Variants in KCNN2 observed in about 807,000 individuals in gnomAD.
KCNN2 encodes small conductance calcium-activated potassium channel protein 2.
Under a neutral mutation model 55.5 loss-of-function variants are expected in KCNN2, and 24 were observed. That is an observed-to-expected ratio of 0.43 (90% CI 0.31 to 0.61). KCNN2 has a LOEUF of 0.61. Ranked by LOEUF, KCNN2 falls within the 20% of genes least tolerant of loss-of-function variation. The pLI, the probability that KCNN2 is intolerant of heterozygous loss-of-function variation, is 0.08. For missense variants in KCNN2, 754 were observed against 853.6 expected, an observed-to-expected ratio of 0.88 and a Z score of 1.45; for synonymous variants, 431 against 336.1, an observed-to-expected ratio of 1.28 and a Z score of -3.09.
intron 1 of KCNN2, among the ~76,000 whole-genome samples, chr5:114,149,324 G>A (rs72797653): frequency 0.3 from 46,103 of 151,942 alleles, 7,613 homozygotes; most frequent in Non-Finnish European, 0.38. Flanking sequence ...ACTGAGCCGA[G>A]GAACAAAGAA....
intron 1 of KCNN2, among the ~76,000 whole-genome samples, chr5:114,171,611 G>A (rs1364940987): frequency 6.6e-6 from 1 of 151,348 alleles, no homozygotes; most frequent in Non-Finnish European, 1.5e-5. Flanking sequence ...CCTCGTTAAG[G>A]ACTTTCCTCT....
chr5:114,385,025 T>C (rs1332999798), intron 2 of KCNN2, among the ~76,000 whole-genome samples: 1 of 152,222 alleles, frequency 6.6e-6, no homozygotes, highest in African/African-American at 2.4e-5. Flanking sequence ...TTTTAATAAA[T>C]GTGGGATGAA....
chr5:114,490,034 G>A (rs1747771335), intron 6 of KCNN2, among the ~76,000 whole-genome samples: 1 of 152,150 alleles, frequency 6.6e-6, no homozygotes, highest in African/African-American at 2.4e-5. Context: ...AACTGTCCAG[G>A]CCTGTGCCCT....
intron 2 of KCNN2, among the ~76,000 whole-genome samples, chr5:114,369,044 A>G (rs961997917): frequency 4.6e-5 from 7 of 152,276 alleles, no homozygotes; most frequent in Middle Eastern, 6.8e-3. Context: ...GAGTATATAC[A>G]TATGGTAAAT....
At chr5:114,219,566 G>C (rs1324133933) in intron 1 of KCNN2, among the ~76,000 whole-genome samples, 1 of 152,114 alleles carries the variant, frequency 6.6e-6, no homozygotes, top group South Asian at 2.1e-4. Context: ...TCTCTCCAAT[G>C]TCCAGCTGTA....
intron 2 of KCNN2, among the ~76,000 whole-genome samples, chr5:114,377,361 A>G (rs770296184): frequency 2.0e-5 from 3 of 152,164 alleles, no homozygotes; most frequent in Non-Finnish European, 2.9e-5. Context: ...TAATCCCCCT[A>G]TGTGCATCAT....
At chr5:114,237,003 A>G (rs182149055) in intron 2 of KCNN2, among the ~76,000 whole-genome samples, 71 of 152,274 alleles carry the variant, frequency 4.7e-4, no homozygotes, top group African/African-American at 1.5e-3. Flanking sequence ...AACACTGTTC[A>G]CAATAGGTTC....
intron 2 of KCNN2, among the ~76,000 whole-genome samples, chr5:114,310,247 G>C (rs564155084): frequency 2.0e-5 from 3 of 152,122 alleles, no homozygotes; most frequent in Non-Finnish European, 4.4e-5. Context: ...GAGAGACCAC[G>C]AGAGAGATGG....
chr5:114,200,210 TA>T (rs1267882320), intron 1 of KCNN2, among the ~76,000 whole-genome samples: 3 of 152,148 alleles, frequency 2.0e-5, no homozygotes, highest in African/African-American at 7.2e-5. Context: ...ACTTTTTTTT[TA>T]TTTTTGTCTT....
intron 5 of KCNN2, among the ~76,000 whole-genome samples, chr5:114,476,365 T>TGGAGTCTCTTGAGACC (rs924091469): frequency 6.6e-6 from 1 of 152,056 alleles, no homozygotes; most frequent in African/African-American, 2.4e-5. Context: ...TTCTTGAGAC[T>TGGAGTCTCTTGAGACC]GGAGTCTCTT....
At chr5:114,458,853 G>A (rs1206522954) in intron 3 of KCNN2, among the ~76,000 whole-genome samples, 1 of 152,170 alleles carries the variant, frequency 6.6e-6, no homozygotes, top group African/African-American at 2.4e-5. Flanking sequence ...AGAGAGAAGG[G>A]GGGACGTGTT....
At chr5:114,293,666 G>A (rs1273996192) in intron 2 of KCNN2, among the ~76,000 whole-genome samples, 1 of 152,114 alleles carries the variant, frequency 6.6e-6, no homozygotes, top group Non-Finnish European at 1.5e-5. Flanking sequence ...TTTTTGTTGT[G>A]TCTCTGCGAG....
intron 3 of KCNN2, among the ~76,000 whole-genome samples, chr5:114,442,245 T>C (rs1203585670): frequency 6.7e-6 from 1 of 149,692 alleles, no homozygotes; most frequent in Admixed American, 6.7e-5. Flanking sequence ...ATTATATATA[T>C]ACATATATAT....
At chr5:114,098,057 C>T (rs776280585) in intron 1 of KCNN2, among the ~76,000 whole-genome samples, 3 of 152,054 alleles carry the variant, frequency 2.0e-5, no homozygotes, top group Non-Finnish European at 4.4e-5. Context: ...ATAATCCCTT[C>T]CCTTCTCTTT....
In KCNN2 at chr5:114,362,469, G is replaced by A; in HGVS notation, c.330G>A (p.Ser110=). The A allele has an allele frequency of 2.3e-6, 1 of 430,828 alleles. No homozygotes were observed. The highest frequency in any genetic ancestry group is 4.1e-6 in the Non-Finnish European group (1 of 244,690). The allele number at this position is 430,828 out of a possible 1,614,324, so 26.7% of individuals were successfully genotyped here. ...RTRTSSPLSG[S]SCCCCCCSSR... ...GCACCTCCTCGCCGCTGTCGGGCTC[G>A]TCCTGCTGCTGCTGCTGCTGCTCGT... The change falls in exon 1 of 8, where the codon TCG becomes TCA. Residue 110 remains serine, a synonymous_variant. Transcript: ENST00000673685.
At chr5:114,230,015 C>T (rs576842532) in intron 2 of KCNN2, among the ~76,000 whole-genome samples, 51 of 152,124 alleles carry the variant, frequency 3.4e-4, no homozygotes, top group African/African-American at 1.1e-3. Context: ...ACTGTTAAAA[C>T]GAATAGACCT....
In KCNN2 at chr5:114,366,927, A is replaced by G. The variant is rs1239831511; in HGVS notation, c.1218+2926A>G. ...CAGTTTAGCTTTTTCTTTTTAGCAT[A>G]TCAGTATGATAATCAGATAGTAAAA... is the stretch of plus-strand genomic sequence containing the variant. On this transcript the variant is annotated intron_variant, in intron 2 of 7. Coordinates refer to ENST00000673685, the MANE Select transcript of KCNN2 (RefSeq NM_021614.4). Among the ~76,000 whole-genome samples, 3 of 152,214 alleles carry G rather than the reference A, an allele frequency of 2.0e-5. No homozygotes were observed. In the East Asian group the frequency reaches 5.8e-4, roughly 29 times the overall value.
intron 1 of KCNN2, among the ~76,000 whole-genome samples, chr5:114,156,438 T>A (rs1475936267): frequency 6.6e-6 from 1 of 152,176 alleles, no homozygotes; most frequent in Admixed American, 6.5e-5. Context: ...GGTAGTTTAA[T>A]GGGAGTAGCA....
At chr5:114,272,333 T>TAC (rs769987527) in intron 2 of KCNN2, among the ~76,000 whole-genome samples, 1 of 122,108 alleles carries the variant, frequency 8.2e-6, no homozygotes, top group African/African-American at 3.4e-5. Context: ...TATGTACATA[T>TAC]ACACACATAT....
Sources: gnomAD v4.1 joint callset for allele counts (sites outside exome capture counted in the v4.1 genomes callset) on GRCh38, gnomAD v4.1.1 for gene constraint, MANE v1.5 for transcripts, NCBI Gene and HGNC (gene_info 2026-07-23, HGNC 2026-07-21) for gene names.